The following SLC12A8 variants were observed in gnomAD, a reference collection of about 807,000 sequenced individuals.
SLC12A8 encodes the protein solute carrier family 12 member 8, also known as cation-chloride cotransporter 9.
SLC12A8 carries 69 observed loss-of-function variants against 75.6 expected under a neutral mutation model. That is an observed-to-expected ratio of 0.91 (90% CI 0.75 to 1.11). The LOEUF is 1.11. Among genes scored for constraint, SLC12A8 ranks in the 50% most tolerant of loss-of-function variants. The pLI, the probability that SLC12A8 is intolerant of heterozygous loss-of-function variation, is 0.00. For synonymous variants in SLC12A8, 365 were observed against 372.8 expected (o/e 0.98, Z 0.24); for missense variants, 877 against 896.7 (o/e 0.98, Z 0.28).
chr3:125,108,569 AT>A (rs796569305), intron 9 of SLC12A8, among the ~76,000 whole-genome samples: 7 of 152,122 alleles, frequency 4.6e-5, no homozygotes, highest in African/African-American at 1.7e-4. Flanking sequence ...TGGTTTTGCT[AT>A]GTTGCCCAGG....
Position 125,190,352 on chromosome 3 carries a change from C to G in SLC12A8, c.198+23G>C, listed in dbSNP as rs1481591945. The G allele has an allele frequency of 2.5e-6, 4 of 1,613,056 alleles. No homozygotes were observed. In the African/African-American group the frequency reaches 5.3e-5, roughly 22 times the overall value. ...CCTGTCTTGGGCCCGTGAGAGGCTC[C>G]AGGCCACCAACTCAGCACTCACCAC... On this transcript the variant is annotated intron_variant, in intron 3 of 13. Coordinates refer to ENST00000469902, the MANE Select transcript of SLC12A8 (RefSeq NM_024628.6).
intron 10 of SLC12A8, among the ~76,000 whole-genome samples, chr3:125,106,684 C>G (rs1420169683): frequency 1.3e-5 from 2 of 152,124 alleles, no homozygotes; most frequent in Non-Finnish European, 2.9e-5. Context: ...CCTTCTATGT[C>G]CCTCATCTCC....
At chr3:125,110,125 C>T (rs1939149672) in intron 9 of SLC12A8, 64 bp downstream of exon 9, 1 of 1,532,732 alleles carries the variant, frequency 6.5e-7, no homozygotes, top group Non-Finnish European at 8.9e-7. Flanking sequence ...AATTGATGGG[C>T]CAACAGTGAG....
chr3:125,190,317 G>C (rs1244525055), intron 3 of SLC12A8, 58 bp downstream of exon 3: 1 of 1,590,044 alleles, frequency 6.3e-7, no homozygotes, highest in Non-Finnish European at 8.6e-7. Context: ...TGCAAGAGTG[G>C]CAGAGCTTTC....
chr3:125,106,717 G>A (rs985062784), intron 10 of SLC12A8, among the ~76,000 whole-genome samples: 1 of 152,108 alleles, frequency 6.6e-6, no homozygotes, highest in Admixed American at 6.5e-5. Context: ...ACACCTGTCT[G>A]TATATAGCTC....
intron 4 of SLC12A8, among the ~76,000 whole-genome samples, chr3:125,182,991 G>A (rs1934699535): frequency 6.6e-6 from 1 of 152,134 alleles, no homozygotes; most frequent in Non-Finnish European, 1.5e-5. Context: ...TTATGTAACT[G>A]TCAAAGAATT....
At chr3:125,169,865 C>A (rs72965900) in intron 5 of SLC12A8, among the ~76,000 whole-genome samples, 1 of 152,094 alleles carries the variant, frequency 6.6e-6, no homozygotes, top group Non-Finnish European at 1.5e-5. Context: ...TCATTACCAA[C>A]AATGGATGGA....
intron 9 of SLC12A8, among the ~76,000 whole-genome samples, chr3:125,109,510 C>T (rs187804082): frequency 1.0e-3 from 153 of 152,294 alleles, no homozygotes; most frequent in East Asian, 7.9e-3. Flanking sequence ...AAATTGGAAG[C>T]GGCTGGGGAG....
At chr3:125,202,498 C>T (rs1461204877) in intron 2 of SLC12A8, among the ~76,000 whole-genome samples, 6 of 152,178 alleles carry the variant, frequency 3.9e-5, no homozygotes, top group African/African-American at 2.4e-5. Context: ...TTGCAAACCC[C>T]AGACGATTAA....
intron 13 of SLC12A8, chr3:125,087,986 A>G: frequency 3.6e-6 from 1 of 278,934 alleles, no homozygotes; most frequent in South Asian, 9.1e-5. Flanking sequence ...ATTGATGTGA[A>G]TGTGTCTTAG....
intron 6 of SLC12A8, among the ~76,000 whole-genome samples, chr3:125,133,239 T>G (rs1176305082): frequency 6.6e-6 from 1 of 152,194 alleles, no homozygotes; most frequent in Non-Finnish European, 1.5e-5. Context: ...AACAGCTTTA[T>G]TGAGGTATAA....
intron 10 of SLC12A8, among the ~76,000 whole-genome samples, chr3:125,105,324 CAA>C (rs1323770639): frequency 6.6e-6 from 1 of 151,982 alleles, no homozygotes; most frequent in Non-Finnish European, 1.5e-5. Flanking sequence ...AGTGTGGTAA[CAA>C]GAGGAATTCT....
rs543917073 is a variant in SLC12A8 at position 125,118,976 on chromosome 3, G to A, written c.825-120C>T. 66 of 640,318 alleles carry A rather than the reference G, an allele frequency of 1.0e-4. 1 individual carries two copies. The Middle Eastern group carries it at 3.5e-3, about 34-fold the overall frequency. The allele number at this position is 640,318 out of a possible 1,614,324, so 39.7% of individuals were successfully genotyped here. ...TTGTATCAGAATGAGAGAAAGGCCA[G>A]TCATGAAGCTTCCCCAGCTGGCTTG... is the stretch of plus-strand genomic sequence containing the variant. On this transcript the variant is annotated intron_variant, in intron 7 of 13. Coordinates refer to ENST00000469902, the MANE Select transcript of SLC12A8 (RefSeq NM_024628.6).
Position 125,189,463 on chromosome 3 carries a change from C to T in SLC12A8, c.198+912G>A, listed in dbSNP as rs2203255. 3.3e-4 allele frequency among the ~76,000 whole-genome samples: 51 copies of T among 152,332 alleles called. No homozygotes were observed. The East Asian group carries it at 8.5e-3, about 25-fold the overall frequency. On this transcript the variant is annotated intron_variant, in intron 3 of 13. Transcript: ENST00000469902. ...TCTCCTCCAGGAAGGCTTCCTGACACCTCAGTGACTGCAGCACTCATAGCC... is the reference window on the plus strand; with the variant it reads ...TCTCCTCCAGGAAGGCTTCCTGACATCTCAGTGACTGCAGCACTCATAGCC...
In SLC12A8 at chr3:125,202,356, T is replaced by C. The variant is rs537284464; in HGVS notation, c.51+8943A>G. Among the ~76,000 whole-genome samples, 10 of 152,338 alleles carry C rather than the reference T, an allele frequency of 6.6e-5. No homozygotes were observed. The South Asian group carries it at 2.1e-3, about 32-fold the overall frequency. On this transcript the variant is annotated intron_variant, in intron 2 of 13. Transcript: ENST00000469902. ...AATGAAAAGGTAAGCTAAAACTCAG[T>C]TACTCTCCCCTACAGGAAGCCAGGG...
At chr3:125,095,401 C>G (rs1938688860) in intron 10 of SLC12A8, among the ~76,000 whole-genome samples, 1 of 152,222 alleles carries the variant, frequency 6.6e-6, no homozygotes, top group African/African-American at 2.4e-5. Flanking sequence ...ATTCTACTAT[C>G]AGAATATATT....
chr3:125,175,211 T>C (rs921042112), intron 5 of SLC12A8, among the ~76,000 whole-genome samples: 3 of 152,204 alleles, frequency 2.0e-5, no homozygotes, highest in African/African-American at 7.2e-5. Flanking sequence ...AGAAAGATAG[T>C]TGCTATTATG....
At chr3:125,206,010 G>A (rs1225391185) in intron 2 of SLC12A8, among the ~76,000 whole-genome samples, 1 of 152,164 alleles carries the variant, frequency 6.6e-6, no homozygotes, top group Non-Finnish European at 1.5e-5. Flanking sequence ...TAACAAGACT[G>A]TCTTGTCTGA....
chr3:125,189,997 G>A (rs998943144), intron 3 of SLC12A8, among the ~76,000 whole-genome samples: 1 of 152,088 alleles, frequency 6.6e-6, no homozygotes, highest in African/African-American at 2.4e-5. Context: ...GTGGGGGAAG[G>A]CAACCATGTG....
Sources: gnomAD v4.1 joint callset for allele counts (sites outside exome capture counted in the v4.1 genomes callset) on GRCh38, gnomAD v4.1.1 for gene constraint, MANE v1.5 for transcripts, NCBI Gene and HGNC (gene_info 2026-07-23, HGNC 2026-07-21) for gene names.